SNIP1: variants seen among roughly 807,000 people sequenced by gnomAD.
The protein encoded by SNIP1 is Smad nuclear interacting protein 1.
Under a neutral mutation model 37.4 loss-of-function variants are expected in SNIP1, and 23 were observed. That is an observed-to-expected ratio of 0.61 (90% confidence interval 0.44 to 0.87). The LOEUF (loss-of-function observed/expected upper bound fraction) is 0.87, where lower values mean the gene tolerates loss of function less well. Among genes scored for constraint, SNIP1 ranks in the 40% least tolerant of loss-of-function variants. The pLI is 0.00. For missense variants in SNIP1, 459 were observed against 540.4 expected (o/e 0.85, Z 1.49); for synonymous variants, 174 against 200.0 (o/e 0.87, Z 1.10).
chr1:37,548,107 C>T (rs1357937734), intron 2 of SNIP1, among the ~76,000 whole-genome samples: 2 of 139,180 alleles, frequency 1.4e-5, no homozygotes, highest in African/African-American at 5.4e-5. Flanking sequence ...AAGCCGAGAT[C>T]GCACCACTGC....
chr1:37,549,692 A>C (rs1643280287), intron 2 of SNIP1, among the ~76,000 whole-genome samples: 2 of 152,222 alleles, frequency 1.3e-5, no homozygotes, highest in African/African-American at 4.8e-5. Context: ...GATTACAGGC[A>C]TGAGTCGCTG....
At chr1:37,550,227 T>A (rs1643285676) in intron 2 of SNIP1, among the ~76,000 whole-genome samples, 1 of 152,180 alleles carries the variant, frequency 6.6e-6, no homozygotes, top group African/African-American at 2.4e-5. Flanking sequence ...GAAAAACAGA[T>A]AAGCTGGACT....
intron 2 of SNIP1, chr1:37,544,728 G>A (rs749496113): frequency 1.6e-6 from 1 of 640,730 alleles, no homozygotes; most frequent in East Asian, 3.0e-5. Context: ...CCAGCGCCGT[G>A]CAGCCACCGC....
intron 2 of SNIP1, among the ~76,000 whole-genome samples, chr1:37,546,091 T>C (rs1015872280): frequency 1.3e-5 from 2 of 151,438 alleles, no homozygotes; most frequent in African/African-American, 2.4e-5. Flanking sequence ...TGAGCATCCA[T>C]GTTCATTGCA....
At position 37,536,987 on chromosome 1, in the gene SNIP1, ATTG is replaced by A. The variant is rs1284519359; in HGVS notation, c.*758_*760del. On this transcript the variant is annotated 3_prime_UTR_variant, in exon 4 of 4. Coordinates refer to ENST00000296215, the MANE Select transcript of SNIP1 (RefSeq NM_024700.4). ...CTGAAGTACAGTTAATATGATCAAA[ATTG>A]TTGTGTACATGCTCCATGGAGAAAT... 2.0e-5 allele frequency: 3 copies of A among 152,246 alleles called. No individual in the cohort carries two copies. Among genetic ancestry groups the A allele is most frequent in the Non-Finnish European group, 4.4e-5 (3 of 68,032 alleles). 9.4% of individuals were successfully genotyped at this position (152,246 alleles called of 1,614,324 possible). A position where few individuals can be genotyped will look rare whatever the true frequency, so the allele number is the denominator to read the frequency against.
intron 2 of SNIP1, among the ~76,000 whole-genome samples, chr1:37,551,259 G>T (rs1256811716): frequency 1.4e-5 from 2 of 138,046 alleles, no homozygotes; most frequent in Non-Finnish European, 3.1e-5. Context: ...GACAGAGCCA[G>T]ACTCTGTCTC....
chr1:37,540,338 G>C lies in SNIP1; in HGVS notation c.745C>G (p.Pro249Ala). 1 of 1,614,122 alleles carries C rather than the reference G, an allele frequency of 6.2e-7. No individual in the cohort carries two copies. The highest frequency in any genetic ancestry group is 8.5e-7 in the Non-Finnish European group (1 of 1,180,030). The change falls in exon 3 of 4, where the codon CCC becomes GCC. Residue 249 changes from proline (P) to alanine (A), a missense_variant. By Grantham distance (27) the Pro-to-Ala change is conservative (BLOSUM62 -1). Coordinates refer to ENST00000296215, the MANE Select transcript of SNIP1 (RefSeq NM_024700.4). This position sits in a 1 kb window ranked among gnomAD's most constrained non-coding sequence, Gnocchi z 5.6. ...FRGVVIKYSE[P>A]PEARIPKKRW... ...TTTTTGGGGATACGTGCTTCTGGGG[G>C]CTCACTATATTTAATGACTACACCC...
intron 3 of SNIP1, among the ~76,000 whole-genome samples, chr1:37,539,767 T>C (rs1643147860): frequency 6.6e-6 from 1 of 152,160 alleles, no homozygotes; most frequent in Non-Finnish European, 1.5e-5. Context: ...TCATCACAGA[T>C]GTCCCATGCA....
intron 1 of SNIP1, among the ~76,000 whole-genome samples, chr1:37,553,065 T>C (rs1284262747): frequency 6.6e-6 from 1 of 152,192 alleles, no homozygotes; most frequent in East Asian, 1.9e-4. Context: ...CCCTTGACTC[T>C]TTATCCTTCA....
intron 2 of SNIP1, 77 bp downstream of exon 2, chr1:37,552,564 AACAC>A: frequency 3.4e-6 from 4 of 1,179,266 alleles, no homozygotes; most frequent in African/African-American, 1.5e-5. Flanking sequence ...GCACACACAC[AACAC>A]ACACACACAT....
At chr1:37,549,380 C>T (rs760205467) in intron 2 of SNIP1, among the ~76,000 whole-genome samples, 7 of 152,258 alleles carry the variant, frequency 4.6e-5, no homozygotes, top group Admixed American at 1.3e-4. Flanking sequence ...TGCCCCCAAA[C>T]GCCAGTTTAA....
intron 1 of SNIP1, 57 bp downstream of exon 1, chr1:37,553,949 C>A (rs569477993): frequency 1.8e-5 from 27 of 1,527,890 alleles, no homozygotes; most frequent in Admixed American, 2.0e-5. Flanking sequence ...GCTAGCCCTG[C>A]CCGCCTTTCT....
At position 37,534,665 on chromosome 1, in the gene SNIP1, A is replaced by G. The variant is rs912782666; in HGVS notation, c.*3083T>C. On this transcript the variant is annotated 3_prime_UTR_variant, in exon 4 of 4. Transcript: ENST00000296215. Reference sequence around the variant, plus strand: ...GAAAGTATTTGAAAGTTACATAACCAGTTGCACTTAATGAGTCATCCTTTG... The same window carrying G: ...GAAAGTATTTGAAAGTTACATAACCGGTTGCACTTAATGAGTCATCCTTTG... 2 of 152,172 alleles carry G rather than the reference A, an allele frequency of 1.3e-5. No homozygotes were observed. Among genetic ancestry groups the G allele is most frequent in the African/African-American group, 2.4e-5 (1 of 41,452 alleles). The allele number at this position is 152,172 out of a possible 1,614,324, so 9.4% of individuals were successfully genotyped here. A position where few individuals can be genotyped will look rare whatever the true frequency, so the allele number is the denominator to read the frequency against.
In SNIP1 at chr1:37,554,291, G is replaced by C. The variant is rs935876664; in HGVS notation, c.-62C>G. 1.3e-5 allele frequency: 20 copies of C among 1,504,066 alleles called. No individual in the cohort carries two copies. The highest frequency in any genetic ancestry group is 1.4e-5 in the Non-Finnish European group (16 of 1,119,262). 93.2% of individuals were successfully genotyped at this position (1,504,066 alleles called of 1,614,324 possible). A position where few individuals can be genotyped will look rare whatever the true frequency, so the allele number is the denominator to read the frequency against. On this transcript the variant is annotated 5_prime_UTR_variant, in exon 1 of 4. Transcript: ENST00000296215. ...TTGAGCTCCTCTAGCTGGAGGAAATGACGAGTTTAACTCCTGGACTTCCGC... is the reference window on the plus strand; with the variant it reads ...TTGAGCTCCTCTAGCTGGAGGAAATCACGAGTTTAACTCCTGGACTTCCGC...
Position 37,554,252 on chromosome 1 carries a change from A to G in SNIP1, c.-23T>C, listed in dbSNP as rs1250541702. On this transcript the variant is annotated 5_prime_UTR_variant, in exon 1 of 4. Transcript: ENST00000296215. ...CATTCTGTGATTTTGGCTGGGCGAA[A>G]GAAAACAGATCAGTTGAGCTCCTCT... 5 of 1,578,118 alleles carry G rather than the reference A, an allele frequency of 3.2e-6. No homozygotes were observed. Among genetic ancestry groups the G allele is most frequent in the South Asian group, 1.2e-5 (1 of 85,832 alleles).
chr1:37,544,110 T>C lies in SNIP1; in HGVS notation c.328-3355A>G, dbSNP rs1178027222. ...AGTGAACAGAGATGGAGCCACTGCA[T>C]TGTAGCCTGAACGACAAAGAGAGAC... is the stretch of plus-strand genomic sequence containing the variant. On this transcript the variant is annotated intron_variant, in intron 2 of 3. Coordinates refer to ENST00000296215, the MANE Select transcript of SNIP1 (RefSeq NM_024700.4). Among the ~76,000 whole-genome samples, 7 of 147,732 alleles carry C rather than the reference T, an allele frequency of 4.7e-5. No homozygotes were observed. In the South Asian group the frequency reaches 1.1e-3, roughly 23 times the overall value.
Position 37,535,367 on chromosome 1 carries a change from G to A in SNIP1, c.*2381C>T, listed in dbSNP as rs1643078324. The stretch of plus-strand genomic sequence containing the variant: ...AGATGGTGCCACTGCACTCCAGCCT[G>A]GGCGACAGAGTGAGACGCCATCTCA... On this transcript the variant is annotated 3_prime_UTR_variant, in exon 4 of 4. Coordinates refer to ENST00000296215, the MANE Select transcript of SNIP1 (RefSeq NM_024700.4). The A allele has an allele frequency of 6.6e-6, 1 of 150,926 alleles. No individual in the cohort carries two copies. The highest frequency in any genetic ancestry group is 1.5e-5 in the Non-Finnish European group (1 of 67,868). 9.3% of individuals were successfully genotyped at this position (150,926 alleles called of 1,614,324 possible).
rs984174618 is a variant in SNIP1 at position 37,542,016 on chromosome 1, G to A, written c.328-1261C>T. Among the ~76,000 whole-genome samples, 62 of 151,136 alleles carry A rather than the reference G, an allele frequency of 4.1e-4. 1 individual carries two copies. Among genetic ancestry groups the A allele is most frequent in the African/African-American group, 1.5e-3 (62 of 41,308 alleles). On this transcript the variant is annotated intron_variant, in intron 2 of 3. Coordinates refer to ENST00000296215, the MANE Select transcript of SNIP1 (RefSeq NM_024700.4). ...TATATGATTTGAAAAGTTTTTTTTT[G>A]TTTTAATTTCTTTAAGTTGAGAACT...
intron 2 of SNIP1, chr1:37,544,785 G>T: frequency 1.4e-6 from 1 of 734,554 alleles, no homozygotes; most frequent in Non-Finnish European, 2.5e-6. Context: ...CGTCCCCCTC[G>T]CAGGTGCGCC....
Sources: gnomAD v4.1 joint callset for allele counts (sites outside exome capture counted in the v4.1 genomes callset) on GRCh38, gnomAD v4.1.1 for gene constraint, Gnocchi (gnomAD v3.1) non-coding constraint, MANE v1.5 for transcripts, NCBI Gene and HGNC (gene_info 2026-07-23, HGNC 2026-07-21) for gene names.